AFAP1: variants seen among roughly 807,000 people sequenced by gnomAD.
AFAP1 encodes actin filament associated protein 1.
AFAP1 carries 75 observed loss-of-function variants against 93.9 expected under a neutral mutation model. The observed-to-expected ratio is 0.80, with a 90% CI of 0.66 to 0.97. The LOEUF (loss-of-function observed/expected upper bound fraction) is 0.97, where lower values mean the gene tolerates loss of function less well. Among genes scored for constraint, AFAP1 ranks in the 50% least tolerant of loss-of-function variants. The probability of loss-of-function intolerance (pLI) is 0.00; values close to 1 mark genes in which losing one functional copy is unlikely to be tolerated. For missense variants in AFAP1, 1,201 were observed against 1,050.8 expected (o/e 1.14, Z -1.98); for synonymous variants, 517 against 430.7 (o/e 1.20, Z -2.48).
chr4:7,843,371 C>T (rs781781836), intron 4 of AFAP1, 21 bp from the exon 5 acceptor site: 37 of 1,594,010 alleles, frequency 2.3e-5, no homozygotes, highest in Middle Eastern at 1.7e-4. Flanking sequence ...TAAACATACA[C>T]TGGTAAAAAG....
chr4:7,895,330 T>C (rs760314468), intron 1 of AFAP1, among the ~76,000 whole-genome samples: 29 of 152,196 alleles, frequency 1.9e-4, no homozygotes, highest in Non-Finnish European at 3.5e-4. Context: ...GCACAGTCCT[T>C]AGCTCGTAAG....
Position 7,939,614 on chromosome 4 carries a change from C to T in AFAP1, c.-3+42G>A. 1 of 412,168 alleles carries T rather than the reference C, an allele frequency of 2.4e-6. No individual in the cohort carries two copies. The highest frequency in any genetic ancestry group is 4.8e-6 in the Non-Finnish European group (1 of 208,716). 25.5% of individuals were successfully genotyped at this position (412,168 alleles called of 1,614,324 possible). A position where few individuals can be genotyped will look rare whatever the true frequency, so the allele number is the denominator to read the frequency against. ...GCTTCCACGCCCGGGGCAGAGACCC[C>T]CGCCGGGTCCGGAGACCCTGCCGCC... On this transcript the variant is annotated intron_variant, in intron 1 of 17. Coordinates refer to ENST00000420658, the MANE Select transcript of AFAP1 (RefSeq NM_001134647.2). The surrounding 1 kb of genome is among the most constrained non-coding windows in gnomAD (Gnocchi z 5.6).
At chr4:7,849,922 T>C (rs905549129) in intron 4 of AFAP1, among the ~76,000 whole-genome samples, 4 of 151,288 alleles carry the variant, frequency 2.6e-5, no homozygotes, top group Non-Finnish European at 5.9e-5. Flanking sequence ...CACTCTTTCA[T>C]GCTGCTGTGA....
chr4:7,789,142 G>T (rs1333552467), intron 11 of AFAP1: 1 of 152,320 alleles, frequency 6.6e-6, no homozygotes, highest in Admixed American at 6.5e-5. Flanking sequence ...GGACAACTCT[G>T]CCCAGTCCCC....
At chr4:7,917,884 A>G (rs756461087) in intron 1 of AFAP1, among the ~76,000 whole-genome samples, 3 of 152,154 alleles carry the variant, frequency 2.0e-5, no homozygotes, top group Non-Finnish European at 4.4e-5. Flanking sequence ...CATCATCCCC[A>G]CAACACTCAG....
At chr4:7,934,414 G>A (rs887795574) in intron 1 of AFAP1, among the ~76,000 whole-genome samples, 5 of 152,184 alleles carry the variant, frequency 3.3e-5, no homozygotes, top group South Asian at 2.1e-4. Flanking sequence ...CTTCTAGAAC[G>A]GTGCCCCTGC....
At chr4:7,769,399 G>C (rs1366431685) in intron 16 of AFAP1, among the ~76,000 whole-genome samples, 1 of 152,246 alleles carries the variant, frequency 6.6e-6, no homozygotes, top group Non-Finnish European at 1.5e-5. Flanking sequence ...GCGCCCTAGA[G>C]ATGCTCAGGT....
chr4:7,886,208 AGTTCC>A (rs1399295141), intron 1 of AFAP1, among the ~76,000 whole-genome samples: 1 of 152,226 alleles, frequency 6.6e-6, no homozygotes, highest in Non-Finnish European at 1.5e-5. Flanking sequence ...TTTGATTCCC[AGTTCC>A]GTAATGTATA....
intron 10 of AFAP1, among the ~76,000 whole-genome samples, chr4:7,799,602 C>A (rs1452620352): frequency 1.3e-5 from 2 of 152,128 alleles, no homozygotes; most frequent in African/African-American, 4.8e-5. Flanking sequence ...ATGGATGCGA[C>A]CATCTGGCGT....
chr4:7,822,414 T>G (rs1721043250), intron 6 of AFAP1, among the ~76,000 whole-genome samples: 1 of 152,138 alleles, frequency 6.6e-6, no homozygotes, highest in Non-Finnish European at 1.5e-5. Flanking sequence ...ACGATTATAT[T>G]TAATAGTGTT....
At chr4:7,915,418 C>T (rs1324998283) in intron 1 of AFAP1, among the ~76,000 whole-genome samples, 3 of 151,628 alleles carry the variant, frequency 2.0e-5, no homozygotes, top group African/African-American at 7.3e-5. Flanking sequence ...ACTCAGAACG[C>T]TGAGAAAGCA....
intron 1 of AFAP1, among the ~76,000 whole-genome samples, chr4:7,880,630 G>A (rs998051346): frequency 1.3e-5 from 2 of 152,186 alleles, no homozygotes; most frequent in African/African-American, 4.8e-5. Flanking sequence ...AAGAAAGGCG[G>A]CCTGGAGTCA....
At chr4:7,836,594 G>A (rs1184262614) in intron 6 of AFAP1, among the ~76,000 whole-genome samples, 3 of 152,164 alleles carry the variant, frequency 2.0e-5, no homozygotes, top group African/African-American at 7.2e-5. Context: ...CTACAGGAAC[G>A]TGTCACCATG....
intron 3 of AFAP1, among the ~76,000 whole-genome samples, chr4:7,863,997 A>ACCTTCCCAACTTCCCATCACAACC (rs1716071381): frequency 2.4e-5 from 3 of 125,580 alleles, no homozygotes; most frequent in African/African-American, 3.2e-5. Context: ...CCATCACAAC[A>ACCTTCCCAACTTCCCATCACAACC]CCTTCCCAAC....
intron 12 of AFAP1, among the ~76,000 whole-genome samples, chr4:7,782,631 G>T (rs77574681): frequency 0.059 from 9,055 of 152,248 alleles, 838 homozygotes; most frequent in African/African-American, 0.2. Flanking sequence ...CTTTTCAGGG[G>T]TAAAGGTCTT....
intron 1 of AFAP1, among the ~76,000 whole-genome samples, chr4:7,880,775 C>G (rs1335526516): frequency 6.6e-6 from 1 of 152,190 alleles, no homozygotes; most frequent in East Asian, 1.9e-4. Context: ...TTGTCTGTCT[C>G]CGCTCTCCTA....
chr4:7,928,973 A>C (rs972129397), intron 1 of AFAP1, among the ~76,000 whole-genome samples: 1 of 152,204 alleles, frequency 6.6e-6, no homozygotes, highest in African/African-American at 2.4e-5. Flanking sequence ...GCTGCCCCTA[A>C]GGCTCAATGG....
intron 1 of AFAP1, among the ~76,000 whole-genome samples, chr4:7,933,975 A>G (rs999578740): frequency 1.3e-5 from 2 of 152,218 alleles, no homozygotes; most frequent in African/African-American, 4.8e-5. Flanking sequence ...AAATGAATAT[A>G]GTGATTTACG....
chr4:7,921,952 G>A (rs572008036), intron 1 of AFAP1, among the ~76,000 whole-genome samples: 2 of 152,138 alleles, frequency 1.3e-5, no homozygotes, highest in African/African-American at 2.4e-5. Context: ...GTGAAACCCC[G>A]TCTCTACTAA....
Sources: allele counts gnomAD v4.1 joint callset (sites outside exome capture counted in the v4.1 genomes callset), GRCh38; gene constraint gnomAD v4.1.1; non-coding constraint Gnocchi (gnomAD v3.1); transcripts MANE v1.5; gene names NCBI Gene and HGNC (gene_info 2026-07-23, HGNC 2026-07-21).